Variants in ARID1A observed in about 807,000 individuals in gnomAD.
ARID1A encodes AT-rich interactive domain-containing protein 1A.
Under a neutral mutation model 212.6 loss-of-function variants are expected in ARID1A, and 20 were observed. The ratio of observed to expected loss-of-function variants is 0.09; its 90% confidence interval spans 0.07 to 0.14. The LOEUF (loss-of-function observed/expected upper bound fraction) is 0.14. Ranked by LOEUF, ARID1A falls within the 10% of genes least tolerant of loss-of-function variation. The pLI, the probability that ARID1A is intolerant of heterozygous loss-of-function variation, is 1.00. For synonymous variants in ARID1A, 1,376 were observed against 1,222.1 expected (o/e 1.13, Z -2.63); for missense variants, 2,587 against 3,059.0 (o/e 0.85, Z 3.64).
chr1:26,780,344 G>A lies in ARID1A; in HGVS notation c.6446G>A (p.Ser2149Asn), dbSNP rs2124149186. The A allele has an allele frequency of 6.2e-7, 1 of 1,614,242 alleles. No homozygotes were observed. Among genetic ancestry groups the A allele is most frequent in the Non-Finnish European group, 8.5e-7 (1 of 1,180,036 alleles). Residue 2149 changes from serine to asparagine, a missense_variant, in exon 20 of 20, where the codon AGC becomes AAC. This residue lies in a region of ARID1A where 168 missense variants were observed against 321.0 expected (regional missense o/e 0.52). Transcript: ENST00000324856. This position sits in a 1 kb window ranked among gnomAD's most constrained non-coding sequence, Gnocchi z 7.2. ...TTCAGCCGCCTGGAGAAGTTGTATA[G>A]CACTATGGTGCGCTTCCTCAGTGAC... Reference protein sequence around the residue: ...PPFSRLEKLYSTMVRFLSDRK... With the variant: ...PPFSRLEKLYNTMVRFLSDRK...
Position 26,771,528 on chromosome 1 carries a change from T to C in ARID1A, c.3406+202T>C. The C allele has an allele frequency of 1.7e-6, 1 of 594,296 alleles. No individual in the cohort carries two copies. The highest frequency in any genetic ancestry group is 2.9e-6 in the Non-Finnish European group (1 of 340,866). The allele number at this position is 594,296 out of a possible 1,614,324, so 36.8% of individuals were successfully genotyped here. ...TTGGGAGGTACTCTACGGCAGCTCT[T>C]AAGTTTTAATTTTTGTTGTGCAGCT... On this transcript the variant is annotated intron_variant, in intron 12 of 19. Coordinates refer to ENST00000324856, the MANE Select transcript of ARID1A (RefSeq NM_006015.6). The surrounding 1 kb of genome is among the most constrained non-coding windows in gnomAD (Gnocchi z 5.4).
At chr1:26,758,693 A>T (rs191126016) in intron 4 of ARID1A, among the ~76,000 whole-genome samples, 18 of 152,112 alleles carry the variant, frequency 1.2e-4, no homozygotes, top group African/African-American at 4.3e-4. Flanking sequence ...GGGGCTCTTC[A>T]TAGCTCCAGG....
chr1:26,774,353 A>G lies in ARID1A; in HGVS notation c.4126A>G (p.Thr1376Ala). 1.9e-6 allele frequency: 3 copies of G among 1,552,976 alleles called. No individual in the cohort carries two copies. Among genetic ancestry groups the G allele is most frequent in the Non-Finnish European group, 2.6e-6 (3 of 1,147,186 alleles). Residue 1376 changes from threonine (T) to alanine (A), a missense_variant, in exon 18 of 20, where the codon ACA becomes GCA. By Grantham distance (58) the Thr-to-Ala change is moderately conservative. Around this residue, in one of 11 missense-constraint regions of ARID1A, gnomAD observed 890 missense variants for 1,098.2 expected, o/e 0.81. Coordinates refer to ENST00000324856, the MANE Select transcript of ARID1A (RefSeq NM_006015.6). This position sits in a 1 kb window ranked among gnomAD's most constrained non-coding sequence, Gnocchi z 5.6. Reference protein sequence around the residue: ...QQNYKRPMDGTYGPPAKRHEG... With the variant: ...QQNYKRPMDGAYGPPAKRHEG... ...GAATTACAAGCGGCCAATGGATGGC[A>G]CATATGGCCCTCCTGCCAAGCGGCA...
chr1:26,729,616 A>G, intron 1 of ARID1A, 35 bp from the exon 2 acceptor site: 1 of 1,608,864 alleles, frequency 6.2e-7, no homozygotes, highest in Non-Finnish European at 8.5e-7. Context: ...GAGGCCATCA[A>G]AGCTCAGGTT....
chr1:26,710,285 T>G (rs2080437999), intron 1 of ARID1A, among the ~76,000 whole-genome samples: 1 of 151,112 alleles, frequency 6.6e-6, no homozygotes. Flanking sequence ...AGTACAAAAA[T>G]TAGCTAGGCG....
intron 4 of ARID1A, among the ~76,000 whole-genome samples, chr1:26,755,629 G>A (rs1231647420): frequency 6.6e-6 from 1 of 152,170 alleles, no homozygotes; most frequent in African/African-American, 2.4e-5. Context: ...AGGTGGACCA[G>A]GGGCATTCTC....
Position 26,696,457 on chromosome 1 carries a change from G to T in ARID1A, c.54G>T (p.Pro18=), listed in dbSNP as rs1488028736. The T allele has an allele frequency of 7.8e-7, 1 of 1,289,524 alleles. No homozygotes were observed. The highest frequency in any genetic ancestry group is 9.8e-7 in the Non-Finnish European group (1 of 1,020,238). 79.9% of individuals were successfully genotyped at this position (1,289,524 alleles called of 1,614,324 possible). A position where few individuals can be genotyped will look rare whatever the true frequency, so the allele number is the denominator to read the frequency against. The change falls in exon 1 of 20, where the codon CCG becomes CCT. Residue 18 remains proline, a synonymous_variant. Coordinates refer to ENST00000324856, the MANE Select transcript of ARID1A (RefSeq NM_006015.6). ...AAASSLGNPP[P]PPPSELKKAE... The stretch of plus-strand genomic sequence containing the variant: ...CCAGCAGCCTGGGCAACCCGCCGCC[G>T]CCGCCGCCCTCGGAGCTGAAGAAAG...
intron 1 of ARID1A, among the ~76,000 whole-genome samples, chr1:26,714,039 C>A (rs2080478383): frequency 1.3e-5 from 2 of 152,198 alleles, no homozygotes; most frequent in Non-Finnish European, 2.9e-5. Flanking sequence ...AATTTTGAGG[C>A]ATCATAGACT....
At chr1:26,704,770 G>T (rs1326699952) in intron 1 of ARID1A, among the ~76,000 whole-genome samples, 4 of 151,726 alleles carry the variant, frequency 2.6e-5, no homozygotes, top group Non-Finnish European at 4.4e-5. Context: ...GAGGCAGGAG[G>T]ATTGCTTGAG....
chr1:26,773,544 A>C (rs1158838322), intron 15 of ARID1A, 36 bp from the exon 16 acceptor site: 4 of 1,614,166 alleles, frequency 2.5e-6, no homozygotes, highest in Non-Finnish European at 3.4e-6. Context: ...CCCTGAAGCT[A>C]TAGTGGGCTC....
Position 26,773,206 on chromosome 1 carries a change from G to A in ARID1A, c.3716-140G>A, listed in dbSNP as rs986762836. The A allele has an allele frequency of 1.2e-5, 16 of 1,316,064 alleles. No homozygotes were observed. In the African/African-American group the frequency reaches 2.2e-4, roughly 18 times the overall value. The allele number at this position is 1,316,064 out of a possible 1,614,324, so 81.5% of individuals were successfully genotyped here. On this transcript the variant is annotated intron_variant, in intron 14 of 19. Transcript: ENST00000324856. The stretch of plus-strand genomic sequence containing the variant: ...AAGTACATGCTTTTCGCTGGTTGGG[G>A]CCTCTTTAGATCTCTGTTTTGAACT...
At chr1:26,775,440 G>T (rs2081125997) in intron 18 of ARID1A, 137 bp from the exon 19 acceptor site, 6 of 1,406,040 alleles carry the variant, frequency 4.3e-6, no homozygotes, top group Middle Eastern at 2.6e-4. Flanking sequence ...ATGAGGGGCT[G>T]GTGTGTTTCA....
chr1:26,720,346 G>T (rs1043972682), intron 1 of ARID1A, among the ~76,000 whole-genome samples: 1 of 151,814 alleles, frequency 6.6e-6, no homozygotes, highest in Non-Finnish European at 1.5e-5. Context: ...GGTGGCACAG[G>T]TCTGTAATCC....
intron 4 of ARID1A, among the ~76,000 whole-genome samples, chr1:26,746,077 A>G (rs1406300838): frequency 6.6e-6 from 1 of 152,186 alleles, no homozygotes; most frequent in Non-Finnish European, 1.5e-5. Flanking sequence ...GAAAAATGCC[A>G]TATTCAGAAA....
At position 26,772,997 on chromosome 1, in the gene ARID1A, C is replaced by G. The variant is rs375061327; in HGVS notation, c.3715+10C>G. On this transcript the variant is annotated intron_variant, in intron 14 of 19. Transcript: ENST00000324856. ...GGCAGCATGAGGAAAGGTGACTGAT[C>G]TGATTGCTATTTGAACTTGTGCTCG... The G allele has an allele frequency of 4.9e-5, 79 of 1,600,540 alleles. No individual in the cohort carries two copies. The highest frequency in any genetic ancestry group is 6.4e-5 in the Non-Finnish European group (75 of 1,170,062).
chr1:26,746,985 T>C (rs2080841196), intron 4 of ARID1A, among the ~76,000 whole-genome samples: 1 of 152,120 alleles, frequency 6.6e-6, no homozygotes, highest in Non-Finnish European at 1.5e-5. Flanking sequence ...GAGGTTGCAG[T>C]AAGCCAAGAT....
chr1:26,726,767 C>T (rs148735967), intron 1 of ARID1A, among the ~76,000 whole-genome samples: 2 of 152,372 alleles, frequency 1.3e-5, no homozygotes, highest in East Asian at 3.9e-4. Context: ...TGATCTCTGG[C>T]TTCCCAGAAG....
At chr1:26,743,812 T>C (rs1000102811) in intron 4 of ARID1A, among the ~76,000 whole-genome samples, 9 of 151,222 alleles carry the variant, frequency 6.0e-5, no homozygotes, top group Non-Finnish European at 1.3e-4. Flanking sequence ...AATTAAAACA[T>C]TTGAAGGATT....
At chr1:26,748,640 GTC>G (rs1250164827) in intron 4 of ARID1A, among the ~76,000 whole-genome samples, 8 of 137,952 alleles carry the variant, frequency 5.8e-5, no homozygotes, top group African/African-American at 2.2e-4. Flanking sequence ...TCAGATTTGA[GTC>G]TATTAACTAG....
Sources: allele counts gnomAD v4.1 joint callset (sites outside exome capture counted in the v4.1 genomes callset), GRCh38; gene constraint gnomAD v4.1.1; regional missense constraint gnomAD v4.1.1; non-coding constraint Gnocchi (gnomAD v3.1); transcripts MANE v1.5; gene names NCBI Gene and HGNC (gene_info 2026-07-23, HGNC 2026-07-21).